The following HACE1 variants were observed in gnomAD, a reference collection of about 807,000 sequenced individuals.
HACE1 encodes the protein E3 ubiquitin-protein ligase HACE1.
A neutral mutation model predicts 118.4 loss-of-function variants in HACE1; 73 were observed. That is an observed-to-expected ratio of 0.62 (90% CI 0.51 to 0.75). The LOEUF (loss-of-function observed/expected upper bound fraction) is 0.75, where lower values mean the gene tolerates loss of function less well. HACE1 is among the 30% of genes least tolerant of loss of function. HACE1 has a pLI of 0.00. For missense variants in HACE1, 749 were observed against 1,102.2 expected, an observed-to-expected ratio of 0.68 and a Z score of 4.54; for synonymous variants, 368 against 374.8, an observed-to-expected ratio of 0.98 and a Z score of 0.21.
At chr6:104,767,854 T>C (rs1780171666) in intron 19 of HACE1, among the ~76,000 whole-genome samples, 1 of 152,060 alleles carries the variant, frequency 6.6e-6, no homozygotes, top group Non-Finnish European at 1.5e-5. Context: ...TCAACTTCCA[T>C]ACCACTTCAT....
At chr6:104,752,999 A>T (rs1451855992) in intron 19 of HACE1, among the ~76,000 whole-genome samples, 2 of 152,210 alleles carry the variant, frequency 1.3e-5, no homozygotes, top group Non-Finnish European at 2.9e-5. Context: ...GTAATATAAG[A>T]GTTTTTCAAA....
At chr6:104,770,713 C>T (rs905800212) in intron 19 of HACE1, among the ~76,000 whole-genome samples, 4 of 151,902 alleles carry the variant, frequency 2.6e-5, no homozygotes, top group African/African-American at 4.8e-5. Flanking sequence ...AGTGAGACTT[C>T]GTCTCAATAA....
intron 22 of HACE1, among the ~76,000 whole-genome samples, chr6:104,733,367 T>C (rs1405874397): frequency 6.6e-6 from 1 of 152,176 alleles, no homozygotes; most frequent in Non-Finnish European, 1.5e-5. Context: ...CCTTATTCTT[T>C]TCCTACACTA....
At chr6:104,756,710 C>A (rs549489062) in intron 19 of HACE1, among the ~76,000 whole-genome samples, 1 of 152,190 alleles carries the variant, frequency 6.6e-6, no homozygotes, top group Admixed American at 6.5e-5. Flanking sequence ...TGGGTGCAGC[C>A]CACGGAGGGC....
intron 20 of HACE1, 100 bp from the exon 21 acceptor site, chr6:104,744,710 A>G: frequency 1.4e-6 from 1 of 714,636 alleles, no homozygotes; most frequent in Non-Finnish European, 2.5e-6. Context: ...AATCCCATGT[A>G]AAACTGATAT....
At chr6:104,796,600 T>G (rs774598066) in intron 9 of HACE1, 55 bp downstream of exon 9, 10 of 890,886 alleles carry the variant, frequency 1.1e-5, no homozygotes, top group Non-Finnish European at 1.9e-5. Context: ...ATGTCATATA[T>G]GCTGAGCAGG....
chr6:104,783,545 A>C (rs992146176), intron 14 of HACE1, among the ~76,000 whole-genome samples: 3 of 152,214 alleles, frequency 2.0e-5, no homozygotes, highest in Admixed American at 1.3e-4. Context: ...AAACGTGCCC[A>C]AAGTTCACAT....
At chr6:104,846,736 A>C (rs1775706056) in intron 4 of HACE1, among the ~76,000 whole-genome samples, 1 of 152,234 alleles carries the variant, frequency 6.6e-6, no homozygotes, top group African/African-American at 2.4e-5. Flanking sequence ...GATAAATGTG[A>C]ACTCATAAAG....
chr6:104,771,347 T>A lies in HACE1; in HGVS notation c.2057A>T (p.Glu686Val). Residue 686 changes from glutamate to valine, a missense_variant, in exon 19 of 24, where the codon GAA (glutamate) becomes GTA (valine). This residue lies in a region of HACE1 where 195 missense variants were observed against 322.1 expected (regional missense o/e 0.61). Coordinates refer to ENST00000262903, the MANE Select transcript of HACE1 (RefSeq NM_020771.4). Reference sequence around the variant, plus strand: ...AATCCATTGCAAATTTTTCGCATATTCTGGATCAATGGATGCCACATCTTG... The same window carrying A: ...AATCCATTGCAAATTTTTCGCATATACTGGATCAATGGATGCCACATCTTG... The part of the protein sequence containing the change: ...NYQDVASIDP[E>V]YAKNLQWILD... The A allele has an allele frequency of 6.2e-7, 1 of 1,612,952 alleles. No individual in the cohort carries two copies.
chr6:104,740,365 T>C (rs1582602187), intron 22 of HACE1, among the ~76,000 whole-genome samples: 1 of 151,146 alleles, frequency 6.6e-6, no homozygotes, highest in Non-Finnish European at 1.5e-5. Flanking sequence ...TTCAAAAAAT[T>C]AATGAATCCA....
At chr6:104,802,376 A>AAGTGGACCTAATAGT (rs1245630553) in intron 7 of HACE1, among the ~76,000 whole-genome samples, 5 of 152,212 alleles carry the variant, frequency 3.3e-5, no homozygotes, top group Admixed American at 6.5e-5. Context: ...CCTAATAGAC[A>AAGTGGACCTAATAGT]TCTACAGAAC....
intron 4 of HACE1, among the ~76,000 whole-genome samples, chr6:104,847,413 G>T (rs1162825974): frequency 1.3e-5 from 2 of 152,194 alleles, no homozygotes; most frequent in Non-Finnish European, 2.9e-5. Flanking sequence ...ATGACCTTGG[G>T]TGTGACACAT....
At chr6:104,751,373 A>G (rs2114569826) in intron 19 of HACE1, among the ~76,000 whole-genome samples, 1 of 152,350 alleles carries the variant, frequency 6.6e-6, no homozygotes, top group East Asian at 1.9e-4. Context: ...TCTTTGTAGC[A>G]TAGTCAATTC....
At chr6:104,825,855 A>T (rs1267982816) in intron 6 of HACE1, among the ~76,000 whole-genome samples, 3 of 152,206 alleles carry the variant, frequency 2.0e-5, no homozygotes. Flanking sequence ...AATGCCAAGA[A>T]TCTGGACACC....
chr6:104,799,385 T>C (rs1770044320), intron 7 of HACE1, among the ~76,000 whole-genome samples: 1 of 152,248 alleles, frequency 6.6e-6, no homozygotes, highest in African/African-American at 2.4e-5. Context: ...GGGTGATTTC[T>C]CTACTTTGCT....
At chr6:104,781,147 C>G (rs1395391683) in intron 14 of HACE1, among the ~76,000 whole-genome samples, 1 of 152,154 alleles carries the variant, frequency 6.6e-6, no homozygotes, top group East Asian at 1.9e-4. Flanking sequence ...TAATCTGAGA[C>G]TGTGTAATCA....
At chr6:104,831,979 A>AG (rs1554259070) in intron 6 of HACE1, among the ~76,000 whole-genome samples, 110 of 38,664 alleles carry the variant, frequency 2.8e-3, no homozygotes, top group Non-Finnish European at 4.8e-3. Flanking sequence ...AGAAGAGAAG[A>AG]GAGGAAGGAA....
At chr6:104,832,388 T>C (rs1401857739) in intron 6 of HACE1, among the ~76,000 whole-genome samples, 5 of 151,480 alleles carry the variant, frequency 3.3e-5, no homozygotes, top group Non-Finnish European at 5.9e-5. Flanking sequence ...TTTTTTGTTG[T>C]TGTTGTTGTT....
chr6:104,813,608 A>G (rs1357199867), intron 6 of HACE1, among the ~76,000 whole-genome samples: 1 of 137,556 alleles, frequency 7.3e-6, no homozygotes, highest in African/African-American at 2.9e-5. Context: ...CAGCCCCCAC[A>G]ACAAAGAATT....
Sources: allele counts gnomAD v4.1 joint callset (sites outside exome capture counted in the v4.1 genomes callset), GRCh38; gene constraint gnomAD v4.1.1; regional missense constraint gnomAD v4.1.1; transcripts MANE v1.5; gene names NCBI Gene and HGNC (gene_info 2026-07-23, HGNC 2026-07-21).